The following TCF24 variants were observed in gnomAD, a reference collection of about 807,000 sequenced individuals.
TCF24 encodes the protein transcription factor 24.
In TCF24, 5 loss-of-function variants were observed where a neutral mutation model predicts 9.3. The ratio of observed to expected loss-of-function variants is 0.54; its 90% CI spans 0.28 to 1.13. TCF24 has a LOEUF of 1.13. Among genes scored for constraint, TCF24 ranks in the 50% most tolerant of loss-of-function variants. TCF24 has a pLI of 0.09. For synonymous variants in TCF24, 110 were observed against 115.8 expected (o/e 0.95, Z 0.32); for missense variants, 220 against 236.1 (o/e 0.93, Z 0.45).
At chr8:66,950,651 G>T (rs948540070) in intron 3 of TCF24, among the ~76,000 whole-genome samples, 6 of 152,154 alleles carry the variant, frequency 3.9e-5, no homozygotes, top group Admixed American at 3.9e-4. Flanking sequence ...GCTTTATGGG[G>T]ATGGCACTGA....
At chr8:66,953,285 G>A (rs1342852592) in intron 3 of TCF24, among the ~76,000 whole-genome samples, 3 of 151,258 alleles carry the variant, frequency 2.0e-5, no homozygotes, top group African/African-American at 7.3e-5. Context: ...TTTTAGGGCG[G>A]GCCTGGTGGT....
chr8:66,957,417 C>CA (rs60795431), intron 3 of TCF24, among the ~76,000 whole-genome samples: 11 of 108,504 alleles, frequency 1.0e-4, no homozygotes, highest in African/African-American at 2.0e-4. Flanking sequence ...AACTCCATAT[C>CA]AAAAAAAAAA....
At chr8:66,959,372 A>T (rs1307048995) in intron 3 of TCF24, among the ~76,000 whole-genome samples, 1 of 152,218 alleles carries the variant, frequency 6.6e-6, no homozygotes, top group Non-Finnish European at 1.5e-5. Flanking sequence ...TTGACCATAA[A>T]AGTATAAATA....
intron 3 of TCF24, among the ~76,000 whole-genome samples, chr8:66,949,717 C>T (rs933940629): frequency 2.0e-5 from 3 of 151,956 alleles, no homozygotes; most frequent in Non-Finnish European, 4.4e-5. Context: ...TTTACAGTCC[C>T]ACCAACAGTG....
At chr8:66,951,236 G>C (rs1246277064) in intron 3 of TCF24, among the ~76,000 whole-genome samples, 6 of 142,724 alleles carry the variant, frequency 4.2e-5, no homozygotes, top group Non-Finnish European at 9.0e-5. Flanking sequence ...GTTTGTCATA[G>C]ATAGCTCTTA....
At chr8:66,949,806 T>C (rs1226152252) in intron 3 of TCF24, among the ~76,000 whole-genome samples, 1 of 147,852 alleles carries the variant, frequency 6.8e-6, no homozygotes, top group East Asian at 2.0e-4. Flanking sequence ...TTCTAACTGG[T>C]GTGAGATGGT....
At chr8:66,956,964 G>A (rs1347297912) in intron 3 of TCF24, among the ~76,000 whole-genome samples, 1 of 151,904 alleles carries the variant, frequency 6.6e-6, no homozygotes, top group Non-Finnish European at 1.5e-5. Flanking sequence ...CAGCACTTTA[G>A]GAGACTGAGG....
chr8:66,953,643 G>T (rs1020580195), intron 3 of TCF24, among the ~76,000 whole-genome samples: 2 of 152,008 alleles, frequency 1.3e-5, no homozygotes, highest in Non-Finnish European at 2.9e-5. Flanking sequence ...ATGTTGGCCT[G>T]TCTTGCTAGA....
chr8:66,961,583 C>T lies in TCF24; in HGVS notation c.183G>A (p.Arg61=). The change falls in exon 3 of 4, where the codon CGG becomes CGA. Residue 61 remains arginine, a synonymous_variant. Transcript: ENST00000563496. The stretch of plus-strand genomic sequence containing the variant: ...GGAAAGCGTGCCGCAGGGTCTGCAC[C>T]CGGCTGCGCTCCCGCGCCGCATTCG... ...AAANAARERS[R]VQTLRHAFLE... is the part of the protein sequence containing the mutation. 7.1e-7 allele frequency: 1 copy of T among 1,402,526 alleles called. No individual in the cohort carries two copies. The highest frequency in any genetic ancestry group is 9.3e-7 in the Non-Finnish European group (1 of 1,077,130). The allele number at this position is 1,402,526 out of a possible 1,614,324, so 86.9% of individuals were successfully genotyped here. A position where few individuals can be genotyped will look rare whatever the true frequency, so the allele number is the denominator to read the frequency against.
chr8:66,959,798 T>C (rs1814225000), intron 3 of TCF24, among the ~76,000 whole-genome samples: 1 of 152,228 alleles, frequency 6.6e-6, no homozygotes, highest in African/African-American at 2.4e-5. Context: ...TCTAGAGTTG[T>C]CTTTTAAAAT....
intron 3 of TCF24, among the ~76,000 whole-genome samples, chr8:66,956,623 A>G (rs1563407232): frequency 6.6e-6 from 1 of 152,220 alleles, no homozygotes; most frequent in Admixed American, 6.5e-5. Flanking sequence ...TCAGCCTTCC[A>G]AAGTGCTGGG....
Position 66,961,676 on chromosome 8 carries a change from C to T in TCF24, c.90G>A (p.Gly30=). Reference sequence around the variant, plus strand: ...GGCCCGCCGGCCCCGGCCCGGTCCGCCCGGGACGCGAGTCGCGGATGGCGG... The same window carrying T: ...GGCCCGCCGGCCCCGGCCCGGTCCGTCCGGGACGCGAGTCGCGGATGGCGG... ...LAAAIRDSRP[G]RTGPGPAGPG... Residue 30 remains glycine (G), a synonymous_variant, in exon 3 of 4, where the codon GGG becomes GGA. Coordinates refer to ENST00000563496, the MANE Select transcript of TCF24 (RefSeq NM_001193502.2). The T allele has an allele frequency of 2.6e-5, 29 of 1,110,484 alleles. No individual in the cohort carries two copies. The highest frequency in any genetic ancestry group is 3.1e-5 in the Non-Finnish European group (28 of 911,514). 68.8% of individuals were successfully genotyped at this position (1,110,484 alleles called of 1,614,324 possible). A position where few individuals can be genotyped will look rare whatever the true frequency, so the allele number is the denominator to read the frequency against.
In TCF24 at chr8:66,961,391, G is replaced by A. The variant is rs1444124539; in HGVS notation, c.375C>T (p.Tyr125=). 21 of 1,502,736 alleles carry A rather than the reference G, an allele frequency of 1.4e-5. No individual in the cohort carries two copies. The highest frequency in any genetic ancestry group is 1.8e-5 in the Non-Finnish European group (20 of 1,132,192). The allele number at this position is 1,502,736 out of a possible 1,614,324, so 93.1% of individuals were successfully genotyped here. ...AGLGALRGDG[Y]LHPVKKWPMR... ...GCCCGCTTACCTTGACCGGGTGCAG[G>A]TAGCCATCGCCGCGCAGGGCGCCCA... The change falls in exon 3 of 4, where the codon TAC becomes TAT. Residue 125 remains tyrosine (Y), a synonymous_variant. Coordinates refer to ENST00000563496, the MANE Select transcript of TCF24 (RefSeq NM_001193502.2).
At position 66,961,594 on chromosome 8, in the gene TCF24, C is replaced by G. The variant is rs1252018786; in HGVS notation, c.172G>C (p.Glu58Gln). Reference sequence around the variant, plus strand: ...CGCAGGGTCTGCACCCGGCTGCGCTCCCGCGCCGCATTCGCCGCCGCCGGC... The same window carrying G: ...CGCAGGGTCTGCACCCGGCTGCGCTGCCGCGCCGCATTCGCCGCCGCCGGC... ...GRPAAANAAR[E>Q]RSRVQTLRHA... Residue 58 changes from glutamate (E) to glutamine (Q), a missense_variant, in exon 3 of 4, where the codon GAG (glutamate) becomes CAG (glutamine). Physicochemically the swap from Glu to Gln is conservative, Grantham distance 29. Coordinates refer to ENST00000563496, the MANE Select transcript of TCF24 (RefSeq NM_001193502.2). The G allele has an allele frequency of 1.2e-5, 16 of 1,332,360 alleles. No homozygotes were observed. The highest frequency in any genetic ancestry group is 1.5e-5 in the Non-Finnish European group (16 of 1,041,576). The allele number at this position is 1,332,360 out of a possible 1,614,324, so 82.5% of individuals were successfully genotyped here.
At chr8:66,951,286 G>C (rs1182521521) in intron 3 of TCF24, among the ~76,000 whole-genome samples, 1 of 147,830 alleles carries the variant, frequency 6.8e-6, no homozygotes, top group Non-Finnish European at 1.5e-5. Context: ...AATTTATTGA[G>C]AGTTTTTAGC....
intron 3 of TCF24, among the ~76,000 whole-genome samples, chr8:66,950,344 C>A (rs1814039828): frequency 6.6e-6 from 1 of 151,404 alleles, no homozygotes; most frequent in South Asian, 2.1e-4. Context: ...GTTTTCCCAG[C>A]ACCATTTATT....
intron 3 of TCF24, among the ~76,000 whole-genome samples, chr8:66,958,563 A>C (rs1456342321): frequency 6.6e-6 from 1 of 152,192 alleles, no homozygotes; most frequent in African/African-American, 2.4e-5. Flanking sequence ...CGGGAAGCTG[A>C]GGCAGGGGAA....
At position 66,957,643 on chromosome 8, in the gene TCF24, C is replaced by A. The variant is rs187633183; in HGVS notation, c.390+3733G>T. 6.5e-3 allele frequency among the ~76,000 whole-genome samples: 985 copies of A among 152,006 alleles called. 7 individuals carry two copies. The highest frequency in any genetic ancestry group is 0.023 in the African/African-American group (945 of 41,482). Reference sequence around the variant, plus strand: ...GGTATTTTGTTATGGCAGACTAATACATATAGTGAATAGTGTAGCACAGAT... The same window carrying A: ...GGTATTTTGTTATGGCAGACTAATAAATATAGTGAATAGTGTAGCACAGAT... On this transcript the variant is annotated intron_variant, in intron 3 of 3. Transcript: ENST00000563496.
intron 3 of TCF24, among the ~76,000 whole-genome samples, chr8:66,949,191 T>C (rs893906918): frequency 4.6e-5 from 7 of 152,002 alleles, no homozygotes; most frequent in African/African-American, 1.7e-4. Flanking sequence ...GCCATGCTGG[T>C]GCGCTGCACC....
Sources: gnomAD v4.1 joint callset for allele counts (sites outside exome capture counted in the v4.1 genomes callset) on GRCh38, gnomAD v4.1.1 for gene constraint, MANE v1.5 for transcripts, NCBI Gene and HGNC (gene_info 2026-07-23, HGNC 2026-07-21) for gene names.